MTMR12: variants seen among roughly 807,000 people sequenced by gnomAD.
MTMR12 encodes the protein myotubularin-related protein 12.
MTMR12 carries 33 observed loss-of-function variants against 96.7 expected under a neutral mutation model. The ratio of observed to expected loss-of-function variants is 0.34; its 90% confidence interval spans 0.26 to 0.46. The LOEUF (loss-of-function observed/expected upper bound fraction) is 0.46. Ranked by LOEUF, MTMR12 falls within the 20% of genes least tolerant of loss-of-function variation. The pLI is 1.00. For synonymous variants in MTMR12, 298 were observed against 327.2 expected (o/e 0.91, Z 0.96); for missense variants, 721 against 896.1 (o/e 0.80, Z 2.49).
intron 14 of MTMR12, 83 bp from the exon 15 acceptor site, chr5:32,234,017 A>C (rs1399158167): frequency 6.6e-7 from 1 of 1,518,092 alleles, no homozygotes; most frequent in African/African-American, 1.4e-5. Context: ...AGGCACCAGG[A>C]AGCATGCTCC....
intron 1 of MTMR12, among the ~76,000 whole-genome samples, chr5:32,310,235 G>T (rs1287522654): frequency 1.3e-5 from 2 of 152,202 alleles, no homozygotes; most frequent in African/African-American, 4.8e-5. Flanking sequence ...TACAGGAGGT[G>T]GAGGCTACAG....
At chr5:32,296,840 C>T (rs975199122) in intron 1 of MTMR12, among the ~76,000 whole-genome samples, 8 of 150,436 alleles carry the variant, frequency 5.3e-5, no homozygotes, top group African/African-American at 7.3e-5. Flanking sequence ...CGGTGGCTCA[C>T]GCCTGTAATC....
chr5:32,310,985 T>C (rs1281279766), intron 1 of MTMR12, among the ~76,000 whole-genome samples: 2 of 151,982 alleles, frequency 1.3e-5, no homozygotes, highest in Admixed American at 1.3e-4. Context: ...GCGATTCTCC[T>C]GCCTCAGCCT....
At chr5:32,232,801 A>C (rs1748048854) in intron 15 of MTMR12, among the ~76,000 whole-genome samples, 2 of 152,234 alleles carry the variant, frequency 1.3e-5, no homozygotes, top group Admixed American at 1.3e-4. Context: ...TTCAGCAGCC[A>C]ACATCGTCTC....
chr5:32,311,900 C>T (rs1380056192), intron 1 of MTMR12, among the ~76,000 whole-genome samples: 1 of 152,120 alleles, frequency 6.6e-6, no homozygotes, highest in East Asian at 1.9e-4. Context: ...AAAAAGATTT[C>T]TTTTCTTTCC....
chr5:32,241,990 C>T, intron 12 of MTMR12, 67 bp downstream of exon 12: 1 of 1,313,116 alleles, frequency 7.6e-7, no homozygotes, highest in East Asian at 2.3e-5. Context: ...CATAAAGCTA[C>T]ATATACAAAA....
At chr5:32,297,054 G>A (rs1352408234) in intron 1 of MTMR12, among the ~76,000 whole-genome samples, 2 of 149,308 alleles carry the variant, frequency 1.3e-5, no homozygotes, top group Non-Finnish European at 3.0e-5. Context: ...AGTGAGCCGA[G>A]ATCGCGCCAC....
chr5:32,301,901 TAAAC>T (rs947917574), intron 1 of MTMR12, among the ~76,000 whole-genome samples: 10 of 150,586 alleles, frequency 6.6e-5, no homozygotes, highest in Non-Finnish European at 4.4e-5. Flanking sequence ...AAAATAAAAA[TAAAC>T]AAAAAATAAA....
At position 32,229,985 on chromosome 5, in the gene MTMR12, G is replaced by A. The variant is rs771030549; in HGVS notation, c.2037C>T (p.Asp679=). The change falls in exon 16 of 16, where the codon GAC becomes GAT. Residue 679 remains aspartate, a synonymous_variant. Coordinates refer to ENST00000382142, the MANE Select transcript of MTMR12 (RefSeq NM_001040446.3). ...GGGCCTGCTGGCTGTGGTGTCTCTC[G>A]TCGATCTTCTCTTGTAAACTCTGGA... ...EEVQSLQEKI[D]ERHHSQQAPQ... 9 of 1,612,300 alleles carry A rather than the reference G, an allele frequency of 5.6e-6. No individual in the cohort carries two copies. In the South Asian group the frequency reaches 8.8e-5, roughly 16 times the overall value.
intron 10 of MTMR12, among the ~76,000 whole-genome samples, chr5:32,245,552 G>T (rs1748646573): frequency 6.6e-6 from 1 of 152,138 alleles, no homozygotes; most frequent in Non-Finnish European, 1.5e-5. Flanking sequence ...TTATGGCTGG[G>T]CATGGTGGCT....
chr5:32,263,426 G>GA (rs1234372372), intron 6 of MTMR12, among the ~76,000 whole-genome samples, 184 bp from the exon 7 acceptor site: 1 of 150,746 alleles, frequency 6.6e-6, no homozygotes, highest in Non-Finnish European at 1.5e-5. Flanking sequence ...AATTATGACT[G>GA]AGTCTCTTTT....
chr5:32,255,854 C>A (rs187744283), intron 7 of MTMR12, 86 bp from the exon 8 acceptor site: 20 of 1,188,324 alleles, frequency 1.7e-5, no homozygotes, highest in Non-Finnish European at 2.4e-5. Flanking sequence ...ACGATGAATA[C>A]AAGCAGAGTG....
intron 1 of MTMR12, among the ~76,000 whole-genome samples, chr5:32,302,765 C>T (rs1457754706): frequency 6.6e-6 from 1 of 150,896 alleles, no homozygotes; most frequent in Non-Finnish European, 1.5e-5. Flanking sequence ...AAAAATAAGT[C>T]CACACAATGA....
chr5:32,283,891 C>T (rs1289654530), intron 1 of MTMR12, among the ~76,000 whole-genome samples: 9 of 152,198 alleles, frequency 5.9e-5, no homozygotes, highest in Non-Finnish European at 1.2e-4. Context: ...TCCTCTGAGG[C>T]ATGAGTCTCT....
chr5:32,229,711 A>G lies in MTMR12; in HGVS notation c.*67T>C. On this transcript the variant is annotated 3_prime_UTR_variant, in exon 16 of 16. Coordinates refer to ENST00000382142, the MANE Select transcript of MTMR12 (RefSeq NM_001040446.3). ...CCCAGCCAGCATGAGCTGTAGCGTG[A>G]CACAAATCCAGGGATCAGCTGTCCC... 6.9e-7 allele frequency: 1 copy of G among 1,446,134 alleles called. No individual in the cohort carries two copies. The highest frequency in any genetic ancestry group is 9.2e-7 in the Non-Finnish European group (1 of 1,088,394). 89.6% of individuals were successfully genotyped at this position (1,446,134 alleles called of 1,614,324 possible). A position where few individuals can be genotyped will look rare whatever the true frequency, so the allele number is the denominator to read the frequency against.
At chr5:32,261,187 A>C (rs879641849) in intron 7 of MTMR12, among the ~76,000 whole-genome samples, 1,529 of 150,024 alleles carry the variant, frequency 0.01, 10 homozygotes, top group East Asian at 0.042. Context: ...GAGCCGAGAT[A>C]GCACCACTGC....
chr5:32,267,514 T>TG (rs1321832543), intron 6 of MTMR12, among the ~76,000 whole-genome samples: 2 of 152,202 alleles, frequency 1.3e-5, no homozygotes, highest in Non-Finnish European at 2.9e-5. Flanking sequence ...AGATGACCAG[T>TG]TTTGTTCTTA....
chr5:32,312,760 C>A lies in MTMR12; in HGVS notation c.79G>T (p.Glu27Ter). ...KPSFVSYVRP[E>*]EIHTNEKEVT... ...CCGCCTGCGCGGCGCCCCCTCACCT[C>A]AGGGCGTACGTACGACACGAAGGAG... Residue 27 changes from glutamate (E) to a stop codon, truncating the protein, a stop_gained and splice_region_variant, in exon 1 of 16, where the codon GAG becomes TAG. Coordinates refer to ENST00000382142, the MANE Select transcript of MTMR12 (RefSeq NM_001040446.3). LOFTEE classifies it high-confidence loss of function. The surrounding 1 kb of genome is among the most constrained non-coding windows in gnomAD (Gnocchi z 5.0). 1 of 1,525,622 alleles carries A rather than the reference C, an allele frequency of 6.6e-7. No individual in the cohort carries two copies. The highest frequency in any genetic ancestry group is 1.2e-5 in the South Asian group (1 of 83,770). 94.5% of individuals were successfully genotyped at this position (1,525,622 alleles called of 1,614,324 possible). A position where few individuals can be genotyped will look rare whatever the true frequency, so the allele number is the denominator to read the frequency against.
chr5:32,251,280 C>T (rs1196476592), intron 8 of MTMR12, among the ~76,000 whole-genome samples: 1 of 152,056 alleles, frequency 6.6e-6, no homozygotes, highest in African/African-American at 2.4e-5. Context: ...ATCCGCCCGC[C>T]TCGGCCTCCC....
Sources: allele counts gnomAD v4.1 joint callset (sites outside exome capture counted in the v4.1 genomes callset), GRCh38; gene constraint gnomAD v4.1.1; non-coding constraint Gnocchi (gnomAD v3.1); transcripts MANE v1.5; gene names NCBI Gene and HGNC (gene_info 2026-07-23, HGNC 2026-07-21).